PRKN: variants seen among roughly 807,000 people sequenced by gnomAD.
PRKN encodes E3 ubiquitin-protein ligase parkin.
Under a neutral mutation model 59.5 loss-of-function variants are expected in PRKN, and 56 were observed. The observed-to-expected ratio is 0.94, with a 90% confidence interval of 0.76 to 1.18. PRKN has a LOEUF of 1.18. PRKN is among the 50% of genes most tolerant of loss of function. The pLI is 0.00. For synonymous variants in PRKN, 250 were observed against 222.1 expected, an observed-to-expected ratio of 1.13 and a Z score of -1.12; for missense variants, 657 against 596.4, an observed-to-expected ratio of 1.10 and a Z score of -1.06.
chr6:162,487,595 T>C (rs1192281935), intron 1 of PRKN, among the ~76,000 whole-genome samples: 1 of 152,178 alleles, frequency 6.6e-6, no homozygotes, highest in Non-Finnish European at 1.5e-5. Context: ...AAGGACTTCC[T>C]GGCAAAAAGC....
intron 7 of PRKN, among the ~76,000 whole-genome samples, chr6:161,681,153 G>T (rs1785347676): frequency 6.6e-6 from 1 of 151,862 alleles, no homozygotes; most frequent in Non-Finnish European, 1.5e-5. Flanking sequence ...TAGAGACAGG[G>T]TTTTTGCCAT....
At position 162,316,393 on chromosome 6, in the gene PRKN, A is replaced by C. The variant is rs114214923; in HGVS notation, c.172-53628T>G. Among the ~76,000 whole-genome samples the C allele has an allele frequency of 6.0e-3, 912 of 152,170 alleles. 11 individuals carry two copies. The highest frequency in any genetic ancestry group is 0.021 in the African/African-American group (881 of 41,508). On this transcript the variant is annotated intron_variant, in intron 2 of 11. Transcript: ENST00000366898. ...CACTGCTTCAGCTGAATATCTCCCT[A>C]AACTGAACATTCTGGTAAAAATGAC...
At chr6:162,617,561 T>A (rs990946920) in intron 1 of PRKN, among the ~76,000 whole-genome samples, 1 of 127,196 alleles carries the variant, frequency 7.9e-6, no homozygotes, top group African/African-American at 3.3e-5. Flanking sequence ...ATGATCAGCA[T>A]CCCATGCAAT....
intron 7 of PRKN, among the ~76,000 whole-genome samples, chr6:161,673,255 TG>T (rs1439704501): frequency 6.6e-6 from 1 of 152,008 alleles, no homozygotes; most frequent in South Asian, 2.1e-4. Context: ...CCAAGTCCCA[TG>T]GGGATAAGTG....
At chr6:162,123,317 T>C (rs1188464420) in intron 4 of PRKN, among the ~76,000 whole-genome samples, 1 of 151,484 alleles carries the variant, frequency 6.6e-6, no homozygotes, top group Non-Finnish European at 1.5e-5. Flanking sequence ...CATTATACAA[T>C]GGGAAAAAAA....
chr6:162,461,176 G>T (rs1373563998), intron 1 of PRKN, among the ~76,000 whole-genome samples: 2 of 139,706 alleles, frequency 1.4e-5, no homozygotes, highest in African/African-American at 5.4e-5. Flanking sequence ...CTTGTGCCAT[G>T]CGTACCACAC....
At chr6:162,144,079 C>A (rs1781900736) in intron 4 of PRKN, among the ~76,000 whole-genome samples, 1 of 152,110 alleles carries the variant, frequency 6.6e-6, no homozygotes, top group Admixed American at 6.5e-5. Context: ...CTTAAGAAGG[C>A]AAAGAAAGGG....
intron 1 of PRKN, among the ~76,000 whole-genome samples, chr6:162,517,945 A>T (rs71567651): frequency 0.11 from 16,246 of 152,238 alleles, 1,153 homozygotes; most frequent in South Asian, 0.19. Flanking sequence ...AAACAGAGCC[A>T]TTTATTTATT....
chr6:161,650,266 G>T (rs1437428348), intron 7 of PRKN, among the ~76,000 whole-genome samples: 1 of 152,168 alleles, frequency 6.6e-6, no homozygotes, highest in African/African-American at 2.4e-5. Context: ...AGTTTGTACA[G>T]GGAGAGAGAA....
At chr6:162,347,103 ATATTT>A (rs548064519) in intron 2 of PRKN, among the ~76,000 whole-genome samples, 1 of 150,128 alleles carries the variant, frequency 6.7e-6, no homozygotes, top group Non-Finnish European at 1.5e-5. Context: ...TATATTTATT[ATATTT>A]ATTTTATTTT....
chr6:162,553,424 G>C (rs76088770), intron 1 of PRKN, among the ~76,000 whole-genome samples: 3 of 80,516 alleles, frequency 3.7e-5, no homozygotes, highest in African/African-American at 6.4e-5. Flanking sequence ...ATAGATATAG[G>C]GGGGGTGCTG....
chr6:162,189,542 T>G (rs905385974), intron 4 of PRKN, among the ~76,000 whole-genome samples: 1 of 151,382 alleles, frequency 6.6e-6, no homozygotes, highest in South Asian at 2.1e-4. Flanking sequence ...ATAATAATAG[T>G]AATAAGAATA....
chr6:161,704,672 A>T (rs1786406555), intron 7 of PRKN, among the ~76,000 whole-genome samples: 1 of 152,130 alleles, frequency 6.6e-6, no homozygotes, highest in African/African-American at 2.4e-5. Flanking sequence ...GAGCCTGTGC[A>T]GTACCACACC....
intron 9 of PRKN, among the ~76,000 whole-genome samples, chr6:161,432,355 A>ATTTTT (rs1188841520): frequency 1.5e-4 from 14 of 92,182 alleles, no homozygotes; most frequent in East Asian, 2.8e-4. Flanking sequence ...ACTTCCTCTG[A>ATTTTT]TTTTTTTTTT....
chr6:162,635,899 C>G (rs1050924157), intron 1 of PRKN, among the ~76,000 whole-genome samples: 1 of 151,870 alleles, frequency 6.6e-6, no homozygotes, highest in Admixed American at 6.6e-5. Flanking sequence ...CATAATGGCA[C>G]GAGGCATGTT....
rs574595270 is a variant in PRKN at position 161,549,245 on chromosome 6, T to G, written c.934-242A>C. On this transcript the variant is annotated intron_variant, in intron 8 of 11. Transcript: ENST00000366898. The surrounding 1 kb of genome is among the most constrained non-coding windows in gnomAD (Gnocchi z 6.0). ...TGGCAAGACATATAAGTGTGTTTAC[T>G]TTTTGCTTTTTTGTCTTCAGAAAAT... is the stretch of plus-strand genomic sequence containing the variant. 2.4e-4 allele frequency among the ~76,000 whole-genome samples: 36 copies of G among 152,324 alleles called. No individual in the cohort carries two copies. Among genetic ancestry groups the G allele is most frequent in the African/African-American group, 8.7e-4 (36 of 41,574 alleles).
At chr6:162,515,901 T>A (rs1777832461) in intron 1 of PRKN, among the ~76,000 whole-genome samples, 1 of 152,200 alleles carries the variant, frequency 6.6e-6, no homozygotes, top group South Asian at 2.1e-4. Flanking sequence ...TAGGGCCGCA[T>A]GTGACTGTCA....
rs146521192 is a variant in PRKN, at chr6:161,395,736, C to T, written c.1084-8859G>A. ...GTTGTGTTCCTAGCCAAAGCAATTA[C>T]TCTGACCACGTTTAAGTCTTGTCTA... is the stretch of plus-strand genomic sequence containing the variant. On this transcript the variant is annotated intron_variant, in intron 9 of 11. Coordinates refer to ENST00000366898, the MANE Select transcript of PRKN (RefSeq NM_004562.3). This position sits in a 1 kb window ranked among gnomAD's most constrained non-coding sequence, Gnocchi z 5.0. Among the ~76,000 whole-genome samples the T allele has an allele frequency of 2.8e-3, 431 of 152,310 alleles. 1 individual carries two copies. The highest frequency in any genetic ancestry group is 9.9e-3 in the African/African-American group (411 of 41,562).
At chr6:162,245,523 A>T (rs1039390890) in intron 3 of PRKN, among the ~76,000 whole-genome samples, 7 of 151,830 alleles carry the variant, frequency 4.6e-5, no homozygotes, top group Admixed American at 6.6e-5. Flanking sequence ...TATAATATAA[A>T]ATAGCAAAAC....
Sources: allele counts gnomAD v4.1 joint callset (sites outside exome capture counted in the v4.1 genomes callset), GRCh38; gene constraint gnomAD v4.1.1; non-coding constraint Gnocchi (gnomAD v3.1); transcripts MANE v1.5; gene names NCBI Gene and HGNC (gene_info 2026-07-23, HGNC 2026-07-21).